Variants in CLDN6 observed in about 807,000 individuals in gnomAD.
CLDN6 encodes the protein claudin-6.
For synonymous variants in CLDN6, 144 were observed against 131.2 expected (o/e 1.10, Z -0.67); for missense variants, 279 against 284.1 (o/e 0.98, Z 0.13).
intron 1 of CLDN6, among the ~76,000 whole-genome samples, chr16:3,017,587 A>G (rs2717703): frequency 0.64 from 97,305 of 151,874 alleles, 31,397 homozygotes; most frequent in African/African-American, 0.72. Flanking sequence ...GGCGGAGCAG[A>G]CCACCTTGGG....
At chr16:3,016,802 C>T (rs2072570561) in intron 1 of CLDN6, among the ~76,000 whole-genome samples, 1 of 152,136 alleles carries the variant, frequency 6.6e-6, no homozygotes, top group South Asian at 2.1e-4. Flanking sequence ...CGCTCACCAC[C>T]ACGCCCGGCT....
intron 1 of CLDN6, 55 bp from the exon 2 acceptor site, chr16:3,016,097 GC>G: frequency 2.0e-6 from 3 of 1,497,954 alleles, no homozygotes; most frequent in Non-Finnish European, 2.7e-6. Flanking sequence ...CAGACCTCAG[GC>G]CACATGTGGA....
Position 3,016,027 on chromosome 16 carries a change from G to C in CLDN6, c.-6C>G. On this transcript the variant is annotated 5_prime_UTR_variant, in exon 2 of 2. Transcript: ENST00000328796. The stretch of plus-strand genomic sequence containing the variant: ...TGCATTCCGGCAGAGGCCATGGCGA[G>C]GTTGAAGGAGCTGCACTGTGTTTGG... The C allele has an allele frequency of 6.2e-7, 1 of 1,611,484 alleles. No homozygotes were observed. Among genetic ancestry groups the C allele is most frequent in the South Asian group, 1.1e-5 (1 of 90,746 alleles).
Position 3,015,214 on chromosome 16 carries a change from A to G in CLDN6, c.*145T>C, listed in dbSNP as rs1407658609. On this transcript the variant is annotated 3_prime_UTR_variant, in exon 2 of 2. Coordinates refer to ENST00000328796, the MANE Select transcript of CLDN6 (RefSeq NM_021195.5). Reference sequence around the variant, plus strand: ...AGAGTCTGAGTCAACACCTTGGCTCAGTTTTCAAATGAATTTTAAATATCC... The same window carrying G: ...AGAGTCTGAGTCAACACCTTGGCTCGGTTTTCAAATGAATTTTAAATATCC... 4.3e-6 allele frequency: 3 copies of G among 703,254 alleles called. No individual in the cohort carries two copies. Among genetic ancestry groups the G allele is most frequent in the Non-Finnish European group, 6.7e-6 (3 of 445,336 alleles). 43.6% of individuals were successfully genotyped at this position (703,254 alleles called of 1,614,324 possible).
rs1195829151 is a variant in CLDN6, at chr16:3,015,901, C to A, written c.121G>T (p.Val41Leu). ...CCCTCCCACACCACCTGGGCCACCACGATGCTGTTGCCGATGAAAGCGGTC... is the reference window on the plus strand; with the variant it reads ...CCCTCCCACACCACCTGGGCCACCAAGATGCTGTTGCCGATGAAAGCGGTC... Reference protein sequence around the residue: ...KVTAFIGNSIVVAQVVWEGLW... With the variant: ...KVTAFIGNSILVAQVVWEGLW... Residue 41 changes from valine (V) to leucine (L), a missense_variant, in exon 2 of 2, where the codon GTG (valine) becomes TTG (leucine). Physicochemically the swap from Val to Leu is conservative, Grantham distance 32 (BLOSUM62 1). Transcript: ENST00000328796. 4 of 1,614,144 alleles carry A rather than the reference C, an allele frequency of 2.5e-6. No homozygotes were observed. Among genetic ancestry groups the A allele is most frequent in the Non-Finnish European group, 3.4e-6 (4 of 1,180,056 alleles).
rs756735225 is a variant in CLDN6, at chr16:3,015,464, G to A, written c.558C>T (p.Pro186=). 9.4e-6 allele frequency: 15 copies of A among 1,589,798 alleles called. No homozygotes were observed. In the Admixed American group the frequency reaches 2.3e-4, roughly 24 times the overall value. ...GGCTGGGGCCCTGGGACCCCCCCGAGGGGCAAGTGCAGCACAGCAACCCCC... is the reference window on the plus strand; with the variant it reads ...GGCTGGGGCCCTGGGACCCCCCCGAAGGGCAAGTGCAGCACAGCAACCCCC... ...LGGGLLCCTC[P]SGGSQGPSHY... is the part of the protein sequence containing the mutation. Residue 186 remains proline (P), a synonymous_variant, in exon 2 of 2, where the codon CCC becomes CCT. Transcript: ENST00000328796.
intron 1 of CLDN6, among the ~76,000 whole-genome samples, chr16:3,016,889 C>G (rs546699907): frequency 2.0e-5 from 3 of 152,048 alleles, no homozygotes; most frequent in African/African-American, 7.2e-5. Flanking sequence ...ACTTCGTGAT[C>G]CTCCCGCCTC....
chr16:3,016,761 C>A (rs933325885), intron 1 of CLDN6, among the ~76,000 whole-genome samples: 5 of 152,048 alleles, frequency 3.3e-5, no homozygotes, highest in African/African-American at 1.2e-4. Flanking sequence ...CATTCTCCTG[C>A]CTCAGCCTCC....
At chr16:3,017,869 G>A (rs1268600826) in intron 1 of CLDN6, among the ~76,000 whole-genome samples, 1 of 151,642 alleles carries the variant, frequency 6.6e-6, no homozygotes, top group Admixed American at 6.6e-5. Flanking sequence ...GGGGAGGGGG[G>A]AGGGGCGCCC....
chr16:3,015,285 C>T lies in CLDN6; in HGVS notation c.*74G>A. 7.5e-7 allele frequency: 1 copy of T among 1,331,076 alleles called. No homozygotes were observed. The highest frequency in any genetic ancestry group is 1.5e-5 in the South Asian group (1 of 66,982). The allele number at this position is 1,331,076 out of a possible 1,614,324, so 82.5% of individuals were successfully genotyped here. A position where few individuals can be genotyped will look rare whatever the true frequency, so the allele number is the denominator to read the frequency against. On this transcript the variant is annotated 3_prime_UTR_variant, in exon 2 of 2. Transcript: ENST00000328796. ...AGGAGGCAGAAACAAAAGGTACGAA[C>T]CCATCCCAAAGCTGTTGGGCACTGC...
chr16:3,014,968 G>A lies in CLDN6; in HGVS notation c.*391C>T. The A allele has an allele frequency of 2.5e-6, 1 of 405,324 alleles. No individual in the cohort carries two copies. Among genetic ancestry groups the A allele is most frequent in the East Asian group, 3.5e-5 (1 of 28,212 alleles). 25.1% of individuals were successfully genotyped at this position (405,324 alleles called of 1,614,324 possible). ...GAGCTCCAGAGACCTGAGTAGGATG[G>A]GGGGCAGCTGTCCAGTGACATCTAG... On this transcript the variant is annotated 3_prime_UTR_variant, in exon 2 of 2. Coordinates refer to ENST00000328796, the MANE Select transcript of CLDN6 (RefSeq NM_021195.5).
chr16:3,016,105 T>C lies in CLDN6; in HGVS notation c.-21-63A>G. 18 of 1,448,664 alleles carry C rather than the reference T, an allele frequency of 1.2e-5. No individual in the cohort carries two copies. In the South Asian group the frequency reaches 2.3e-4, roughly 18 times the overall value. 89.7% of individuals were successfully genotyped at this position (1,448,664 alleles called of 1,614,324 possible). A position where few individuals can be genotyped will look rare whatever the true frequency, so the allele number is the denominator to read the frequency against. On this transcript the variant is annotated intron_variant, in intron 1 of 1. Coordinates refer to ENST00000328796, the MANE Select transcript of CLDN6 (RefSeq NM_021195.5). The stretch of plus-strand genomic sequence containing the variant: ...GCAGGCCCAGACCTCAGGCCACATG[T>C]GGACAGGACTCTAGGGGCATGCACC...
chr16:3,016,951 AT>A (rs2072571718), intron 1 of CLDN6, among the ~76,000 whole-genome samples: 1 of 151,992 alleles, frequency 6.6e-6, no homozygotes, highest in Admixed American at 6.6e-5. Context: ...CCTGGTCTTA[AT>A]TTTTGTATTT....
At chr16:3,017,944 AG>A (rs1036700755) in intron 1 of CLDN6, among the ~76,000 whole-genome samples, 9 of 143,804 alleles carry the variant, frequency 6.3e-5, no homozygotes, top group African/African-American at 1.6e-4. Context: ...GTCCCTGGGG[AG>A]GGGGGAGGGG....
rs758008110 is a variant in CLDN6, at chr16:3,015,061, G to A, written c.*298C>T. 14 of 431,914 alleles carry A rather than the reference G, an allele frequency of 3.2e-5. No individual in the cohort carries two copies. Among genetic ancestry groups the A allele is most frequent in the Non-Finnish European group, 4.9e-5 (12 of 245,792 alleles). 26.8% of individuals were successfully genotyped at this position (431,914 alleles called of 1,614,324 possible). A position where few individuals can be genotyped will look rare whatever the true frequency, so the allele number is the denominator to read the frequency against. On this transcript the variant is annotated 3_prime_UTR_variant, in exon 2 of 2. Coordinates refer to ENST00000328796, the MANE Select transcript of CLDN6 (RefSeq NM_021195.5). The stretch of plus-strand genomic sequence containing the variant: ...TCTGTCTTGTTGCAAAGCCAGCACA[G>A]CAAGCAGCCTCCGCATTAGTTCCAT...
Position 3,015,503 on chromosome 16 carries a change from AAGGCCTG to A in CLDN6, c.512_518del (p.Ser171PhefsTer87), listed in dbSNP as rs2072559800. ...ACAGCAACCCCCCACCCAGCAACAA[AAGGCCTG>A]AGGCCGCCCAGCCCAAGTAGAGGGA... On this transcript the variant is annotated frameshift_variant, in exon 2 of 2. Coordinates refer to ENST00000328796, the MANE Select transcript of CLDN6 (RefSeq NM_021195.5). LOFTEE classifies it low-confidence loss of function (END_TRUNC). 2 of 1,610,660 alleles carry A rather than the reference AAGGCCTG, an allele frequency of 1.2e-6. No individual in the cohort carries two copies. Among genetic ancestry groups the A allele is most frequent in the Non-Finnish European group, 1.7e-6 (2 of 1,178,518 alleles).
Position 3,015,603 on chromosome 16 carries a change from G to T in CLDN6, c.419C>A (p.Ala140Glu). Residue 140 changes from alanine (A) to glutamate (E), a missense_variant, in exon 2 of 2, where the codon GCG becomes GAG. Physicochemically the swap from Ala to Glu is moderately radical, Grantham distance 107. Coordinates refer to ENST00000328796, the MANE Select transcript of CLDN6 (RefSeq NM_021195.5). ...ATAGAAGTCCCGGATGATGGCATGC[G>T]CCGTCCAGCACACGGGGATTAGCGT... ...VLTLIPVCWT[A>E]HAIIRDFYNP... 3.1e-6 allele frequency: 5 copies of T among 1,613,204 alleles called. No individual in the cohort carries two copies. The highest frequency in any genetic ancestry group is 4.2e-6 in the Non-Finnish European group (5 of 1,180,042).
chr16:3,017,851 CAGGTGA>C (rs1395897501), intron 1 of CLDN6, among the ~76,000 whole-genome samples: 3 of 150,478 alleles, frequency 2.0e-5, no homozygotes, highest in Non-Finnish European at 4.5e-5. Flanking sequence ...TCCGCTCCCC[CAGGTGA>C]GGGGGAGGGG....
Position 3,015,893 on chromosome 16 carries a change from G to A in CLDN6, c.129C>T (p.Ala43=), listed in dbSNP as rs1318789749. Reference sequence around the variant, plus strand: ...TCCACAGGCCCTCCCACACCACCTGGGCCACCACGATGCTGTTGCCGATGA... The same window carrying A: ...TCCACAGGCCCTCCCACACCACCTGAGCCACCACGATGCTGTTGCCGATGA... ...TAFIGNSIVV[A]QVVWEGLWMS... The change falls in exon 2 of 2, where the codon GCC becomes GCT. Residue 43 remains alanine (A), a synonymous_variant. Coordinates refer to ENST00000328796, the MANE Select transcript of CLDN6 (RefSeq NM_021195.5). 3 of 1,614,234 alleles carry A rather than the reference G, an allele frequency of 1.9e-6. No individual in the cohort carries two copies. The South Asian group carries it at 3.3e-5, about 18-fold the overall frequency.
Sources: allele counts gnomAD v4.1 joint callset (sites outside exome capture counted in the v4.1 genomes callset), GRCh38; gene constraint gnomAD v4.1.1; transcripts MANE v1.5; gene names NCBI Gene and HGNC (gene_info 2026-07-23, HGNC 2026-07-21).